Variants in MSANTD5 observed in about 807,000 individuals in gnomAD.
MSANTD5 encodes uncharacterized protein MSANTD5.
intron 3 of MSANTD5, 98 bp downstream of exon 3, chr5:178,695,189 A>G (rs1765398445): frequency 6.6e-6 from 1 of 152,048 alleles, no homozygotes; most frequent in African/African-American, 2.4e-5. Context: ...CTGTCCCATC[A>G]TTCTTTGCTC....
At chr5:178,699,132 T>C (rs567634709), upstream of MSANTD5, among the ~76,000 whole-genome samples, 25 of 151,960 alleles carry the variant, frequency 1.6e-4, no homozygotes, top group African/African-American at 5.3e-4. Flanking sequence ...TATTCCTTCC[T>C]CTCCCCCAAA....
chr5:178,703,119 A>G, the MSANTD5 span, among the ~76,000 whole-genome samples: 1 of 152,226 alleles, frequency 6.6e-6, no homozygotes, highest in Non-Finnish European at 1.5e-5. Flanking sequence ...GGGAGAGGCC[A>G]TGTGCACTCA....
the MSANTD5 span, among the ~76,000 whole-genome samples, chr5:178,703,937 C>T: frequency 3.7e-3 from 551 of 149,728 alleles, no homozygotes; most frequent in Non-Finnish European, 5.7e-3. Context: ...GCCGAGATCA[C>T]GCCACTGCAC....
At chr5:178,692,686 C>CTACA (rs1765369224), downstream of MSANTD5, among the ~76,000 whole-genome samples, 1 of 152,042 alleles carries the variant, frequency 6.6e-6, no homozygotes, top group Non-Finnish European at 1.5e-5. Context: ...TCCCAAAAGG[C>CTACA]TACATACCGT....
chr5:178,696,468 C>T (rs150653754), intron 1 of MSANTD5, among the ~76,000 whole-genome samples: 4,891 of 152,198 alleles, frequency 0.032, 122 homozygotes, highest in Non-Finnish European at 0.05. Flanking sequence ...TCAAGTGATC[C>T]GCCTGTCTTG....
downstream of MSANTD5, among the ~76,000 whole-genome samples, chr5:178,692,537 A>C (rs1765367894): frequency 6.6e-6 from 1 of 152,032 alleles, no homozygotes; most frequent in African/African-American, 2.4e-5. Flanking sequence ...AACATCCCGG[A>C]TGTCATCCAC....
downstream of MSANTD5, among the ~76,000 whole-genome samples, chr5:178,692,518 C>G (rs1310147224): frequency 1.3e-5 from 2 of 151,930 alleles, no homozygotes; most frequent in African/African-American, 4.8e-5. Context: ...CACAATAGTC[C>G]AAACTGGAAA....
chr5:178,700,797 A>G (rs905149895), upstream of MSANTD5, among the ~76,000 whole-genome samples: 1 of 152,164 alleles, frequency 6.6e-6, no homozygotes, highest in Non-Finnish European at 1.5e-5. Flanking sequence ...ATTTCTGACA[A>G]CAGACGTAAG....
chr5:178,704,275 A>G, the MSANTD5 span, among the ~76,000 whole-genome samples: 2 of 152,156 alleles, frequency 1.3e-5, no homozygotes, highest in South Asian at 2.1e-4. Context: ...TTGAAACCCC[A>G]TGGCCTAATG....
upstream of MSANTD5, among the ~76,000 whole-genome samples, chr5:178,700,362 G>C (rs1765463598): frequency 6.6e-6 from 1 of 152,234 alleles, no homozygotes; most frequent in Admixed American, 6.5e-5. Context: ...TCAGCTGGAA[G>C]GCTTTCTCAA....
chr5:178,705,552 G>T, the MSANTD5 span, among the ~76,000 whole-genome samples: 1 of 152,140 alleles, frequency 6.6e-6, no homozygotes, highest in Non-Finnish European at 1.5e-5. Flanking sequence ...ATCCCTTCAG[G>T]GCAGCGCCTA....
downstream of MSANTD5, among the ~76,000 whole-genome samples, chr5:178,692,272 G>C (rs774027814): frequency 7.8e-4 from 117 of 149,600 alleles, 1 homozygote; most frequent in African/African-American, 2.8e-3. Context: ...CCCAGCTATT[G>C]GGGAGGCTGA....
At chr5:178,705,718 G>GA in the MSANTD5 span, among the ~76,000 whole-genome samples, 2 of 152,044 alleles carry the variant, frequency 1.3e-5, no homozygotes, top group African/African-American at 4.8e-5. Context: ...ACCACTTTGG[G>GA]AGGCCGAGGC....
chr5:178,698,040 T>G (rs576014598), upstream of MSANTD5, among the ~76,000 whole-genome samples: 1 of 152,172 alleles, frequency 6.6e-6, no homozygotes, highest in South Asian at 2.1e-4. Context: ...TCCCCCTGAG[T>G]TCGTGCTGAA....
chr5:178,705,642 C>T, the MSANTD5 span, among the ~76,000 whole-genome samples: 1 of 152,076 alleles, frequency 6.6e-6, no homozygotes. Context: ...TTCTGGGCCC[C>T]GTATCCCCAA....
At chr5:178,695,668 C>T (rs1361521271) in intron 2 of MSANTD5, 70 bp from the exon 3 acceptor site, 2 of 152,190 alleles carry the variant, frequency 1.3e-5, no homozygotes, top group Non-Finnish European at 2.9e-5. Flanking sequence ...CCTGCCTCTA[C>T]ATGGACAGGT....
At chr5:178,696,791 T>C (rs1222190203) in intron 1 of MSANTD5, among the ~76,000 whole-genome samples, 2 of 151,752 alleles carry the variant, frequency 1.3e-5, no homozygotes, top group African/African-American at 4.8e-5. Flanking sequence ...GAAGCAGTAC[T>C]GGGGAGAGGG....
the MSANTD5 span, among the ~76,000 whole-genome samples, chr5:178,704,833 G>A: frequency 1.3e-5 from 2 of 152,172 alleles, no homozygotes; most frequent in Non-Finnish European, 2.9e-5. Context: ...AGCAGAGAGA[G>A]AACTTCCACA....
At chr5:178,701,757 T>TA (rs1765486897), upstream of MSANTD5, among the ~76,000 whole-genome samples, 1 of 148,310 alleles carries the variant, frequency 6.7e-6, no homozygotes, top group South Asian at 2.1e-4. Flanking sequence ...AAAATATATA[T>TA]TTTTTGAGAT....
Sources: gnomAD v4.1 joint callset for allele counts (sites outside exome capture counted in the v4.1 genomes callset) on GRCh38, gnomAD v4.1.1 for gene constraint, MANE v1.5 for transcripts, NCBI Gene and HGNC (gene_info 2026-07-23, HGNC 2026-07-21) for gene names.